NALF1: variants seen among roughly 807,000 people sequenced by gnomAD.
NALF1 encodes NALCN channel auxiliary factor 1.
Under a neutral mutation model 48.4 loss-of-function variants are expected in NALF1, and 3 were observed. The observed-to-expected ratio is 0.06, with a 90% CI of 0.03 to 0.16. NALF1 has a LOEUF of 0.16. Ranked by LOEUF, NALF1 falls within the 10% of genes least tolerant of loss-of-function variation. The probability of loss-of-function intolerance (pLI) is 1.00; values close to 1 mark genes in which losing one functional copy is unlikely to be tolerated. For synonymous variants in NALF1, 262 were observed against 245.7 expected (o/e 1.07, Z -0.62); for missense variants, 526 against 571.5 (o/e 0.92, Z 0.81).
intron 2 of NALF1, among the ~76,000 whole-genome samples, chr13:107,179,212 C>T (rs760263209): frequency 6.6e-6 from 1 of 152,000 alleles, no homozygotes; most frequent in Non-Finnish European, 1.5e-5. Context: ...TCATTTACAA[C>T]AATATAGATG....
chr13:107,325,855 CATATATATATAT>C (rs1228535140), intron 1 of NALF1, among the ~76,000 whole-genome samples: 2 of 54,056 alleles, frequency 3.7e-5, no homozygotes, highest in South Asian at 2.2e-3. Context: ...CACACACACA[CATATATATATAT>C]ATATATATAT....
intron 1 of NALF1, among the ~76,000 whole-genome samples, chr13:107,837,379 G>C (rs921839745): frequency 1.3e-5 from 2 of 152,170 alleles, no homozygotes; most frequent in Non-Finnish European, 2.9e-5. Context: ...TTGAACCATA[G>C]ATTCTGATTC....
rs552956862 is a variant in NALF1, at chr13:107,512,970, T to C, written c.916-302215A>G. Among the ~76,000 whole-genome samples, 7 of 152,272 alleles carry C rather than the reference T, an allele frequency of 4.6e-5. No homozygotes were observed. The South Asian group carries it at 1.0e-3, about 23-fold the overall frequency. The stretch of plus-strand genomic sequence containing the variant: ...AATATTATACCACATCTGTATTCCA[T>C]TGTGTTGATTTTAAAAATTCTTTTG... On this transcript the variant is annotated intron_variant, in intron 1 of 2. Coordinates refer to ENST00000375915, the MANE Select transcript of NALF1 (RefSeq NM_001080396.3).
chr13:107,259,674 C>T (rs1223927254), intron 1 of NALF1, among the ~76,000 whole-genome samples: 2 of 152,174 alleles, frequency 1.3e-5, no homozygotes, highest in Non-Finnish European at 2.9e-5. Context: ...CAGTTACCTG[C>T]TTTCAAATGG....
chr13:107,543,004 C>T (rs113585202), intron 1 of NALF1, among the ~76,000 whole-genome samples: 1,715 of 152,138 alleles, frequency 0.011, 28 homozygotes, highest in African/African-American at 0.038. Context: ...CCTTCGCAAA[C>T]ACTATTGTCA....
intron 1 of NALF1, among the ~76,000 whole-genome samples, chr13:107,475,178 A>G (rs1204764223): frequency 6.6e-6 from 1 of 152,204 alleles, no homozygotes; most frequent in African/African-American, 2.4e-5. Context: ...AAGGTTTGTC[A>G]TCCGAACATT....
chr13:107,344,977 C>T (rs11618280), intron 1 of NALF1, among the ~76,000 whole-genome samples: 14,111 of 151,998 alleles, frequency 0.093, 741 homozygotes, highest in Non-Finnish European at 0.12. Flanking sequence ...AAAACAAATT[C>T]GGTAAAGTTG....
At chr13:107,574,116 T>C (rs1246507619) in intron 1 of NALF1, among the ~76,000 whole-genome samples, 3 of 152,180 alleles carry the variant, frequency 2.0e-5, no homozygotes. Flanking sequence ...ATATATGACA[T>C]AAAAATATAT....
At chr13:107,437,678 T>C (rs551020369) in intron 1 of NALF1, among the ~76,000 whole-genome samples, 1 of 152,304 alleles carries the variant, frequency 6.6e-6, no homozygotes, top group African/African-American at 2.4e-5. Flanking sequence ...GCGAACTCAA[T>C]GGCAGACCAT....
At chr13:107,414,840 T>C (rs1295691037) in intron 1 of NALF1, among the ~76,000 whole-genome samples, 2 of 152,000 alleles carry the variant, frequency 1.3e-5, no homozygotes, top group African/African-American at 4.8e-5. Context: ...TGTATGTGTT[T>C]AATCAATTCT....
chr13:107,263,245 A>AC (rs1880969699), intron 1 of NALF1, among the ~76,000 whole-genome samples: 2 of 84,796 alleles, frequency 2.4e-5, no homozygotes, highest in Non-Finnish European at 4.9e-5. Context: ...ACAAAATGCT[A>AC]ACAGACACAC....
chr13:107,282,623 TCA>T (rs1881411096), intron 1 of NALF1, among the ~76,000 whole-genome samples: 1 of 152,198 alleles, frequency 6.6e-6, no homozygotes, highest in African/African-American at 2.4e-5. Flanking sequence ...TTGGGATCAC[TCA>T]CTCTACAGCA....
chr13:107,842,523 T>C (rs1382270447), intron 1 of NALF1, among the ~76,000 whole-genome samples: 1 of 151,802 alleles, frequency 6.6e-6, no homozygotes, highest in Non-Finnish European at 1.5e-5. Flanking sequence ...GTAAAGTATC[T>C]TTAGAGTTTT....
chr13:107,388,162 C>T (rs1290096118), intron 1 of NALF1, among the ~76,000 whole-genome samples: 1 of 152,188 alleles, frequency 6.6e-6, no homozygotes, highest in Non-Finnish European at 1.5e-5. Flanking sequence ...CCCAGAATTT[C>T]CCTTATAGTA....
intron 1 of NALF1, among the ~76,000 whole-genome samples, chr13:107,537,784 G>C (rs1283520530): frequency 6.6e-6 from 1 of 152,130 alleles, no homozygotes; most frequent in Non-Finnish European, 1.5e-5. Context: ...TTGGGAGGCT[G>C]AGGCAGGTAG....
intron 1 of NALF1, among the ~76,000 whole-genome samples, chr13:107,865,345 TGACAA>T (rs1880681245): frequency 6.6e-6 from 1 of 152,300 alleles, no homozygotes; most frequent in African/African-American, 2.4e-5. Flanking sequence ...GCTATTTTCC[TGACAA>T]GACTTTTTCA....
At chr13:107,673,766 A>G (rs1881046347) in intron 1 of NALF1, among the ~76,000 whole-genome samples, 1 of 152,188 alleles carries the variant, frequency 6.6e-6, no homozygotes, top group South Asian at 2.1e-4. Flanking sequence ...TGCATGTATC[A>G]AAACATCACT....
At chr13:107,336,376 TA>T in intron 1 of NALF1, among the ~76,000 whole-genome samples, 1 of 122,392 alleles carries the variant, frequency 8.2e-6, no homozygotes, top group African/African-American at 3.1e-5. Flanking sequence ...ATGATAATAA[TA>T]ATAATAATAA....
At chr13:107,703,209 T>TATACC (rs1331484233) in intron 1 of NALF1, among the ~76,000 whole-genome samples, 1 of 152,190 alleles carries the variant, frequency 6.6e-6, no homozygotes, top group East Asian at 1.9e-4. Context: ...ATAAATACTT[T>TATACC]ATACCAATAT....
Sources: gnomAD v4.1 joint callset for allele counts (sites outside exome capture counted in the v4.1 genomes callset) on GRCh38, gnomAD v4.1.1 for gene constraint, MANE v1.5 for transcripts, NCBI Gene and HGNC (gene_info 2026-07-23, HGNC 2026-07-21) for gene names.